ADGRV1: variants seen among roughly 807,000 people sequenced by gnomAD.
The protein encoded by ADGRV1 is G-protein coupled receptor 98.
ADGRV1 carries 359 observed loss-of-function variants against 596.2 expected under a neutral mutation model. That is an observed-to-expected ratio of 0.60 (90% CI 0.55 to 0.66). ADGRV1 has a LOEUF of 0.66. ADGRV1 is among the 30% of genes least tolerant of loss of function. ADGRV1 has a pLI of 0.00. For synonymous variants in ADGRV1, 2,681 were observed against 2,679.2 expected (o/e 1.00, Z -0.02); for missense variants, 7,274 against 7,575.6 (o/e 0.96, Z 1.48).
intron 85 of ADGRV1, among the ~76,000 whole-genome samples, chr5:91,065,576 A>T (rs1001790389): frequency 6.6e-6 from 1 of 152,288 alleles, no homozygotes; most frequent in South Asian, 2.1e-4. Context: ...AGCGGAGTTC[A>T]TGTCTCTCCT....
intron 42 of ADGRV1, among the ~76,000 whole-genome samples, 164 bp from the exon 43 acceptor site, chr5:90,716,302 TA>T: frequency 6.6e-6 from 1 of 152,356 alleles, no homozygotes; most frequent in South Asian, 2.1e-4. Context: ...TTGAATATGT[TA>T]TTTTATTAAA....
intron 1 of ADGRV1, among the ~76,000 whole-genome samples, chr5:90,566,273 C>T (rs965168002): frequency 6.6e-6 from 1 of 152,130 alleles, no homozygotes; most frequent in Non-Finnish European, 1.5e-5. Flanking sequence ...CCCATGCTTT[C>T]ATCTAAGAGT....
At chr5:90,684,331 T>C in intron 28 of ADGRV1, 136 bp downstream of exon 28, 1 of 812,220 alleles carries the variant, frequency 1.2e-6, no homozygotes, top group Non-Finnish European at 1.8e-6. Context: ...TACAACAGTT[T>C]ACCTGTAAGG....
intron 85 of ADGRV1, among the ~76,000 whole-genome samples, chr5:91,013,656 T>A (rs550790287): frequency 6.6e-6 from 1 of 152,052 alleles, no homozygotes. Flanking sequence ...ATTCTATAGG[T>A]TGTCTGTTTT....
At chr5:90,996,377 G>C (rs1030062705) in intron 85 of ADGRV1, among the ~76,000 whole-genome samples, 1 of 152,144 alleles carries the variant, frequency 6.6e-6, no homozygotes, top group African/African-American at 2.4e-5. Flanking sequence ...CCGCTCCAGG[G>C]GGTGCAAGCC....
chr5:90,610,905 C>T (rs985766502), intron 1 of ADGRV1, among the ~76,000 whole-genome samples: 1 of 151,908 alleles, frequency 6.6e-6, no homozygotes, highest in African/African-American at 2.4e-5. Context: ...TGTTTCATTT[C>T]CAGACTGTGG....
In ADGRV1 at chr5:90,728,851, G is replaced by C; in HGVS notation, c.10344G>C (p.Val3448=). The part of the protein sequence containing the change: ...SGSGFINFQE[V]PVSGTTEVEA... ...GTGGGTTTATTAACTTTCAAGAGGT[G>C]CCTGTCAGTGGGACAACAGAAGTTG... The change falls in exon 49 of 90, where the codon GTG becomes GTC. Residue 3448 remains valine, a synonymous_variant. Coordinates refer to ENST00000405460, the MANE Select transcript of ADGRV1 (RefSeq NM_032119.4). 6.2e-7 allele frequency: 1 copy of C among 1,613,710 alleles called. No homozygotes were observed. Among genetic ancestry groups the C allele is most frequent in the East Asian group, 2.2e-5 (1 of 44,860 alleles).
chr5:90,950,372 A>C (rs1247761407), intron 83 of ADGRV1, among the ~76,000 whole-genome samples: 1 of 152,094 alleles, frequency 6.6e-6, no homozygotes, highest in Admixed American at 6.6e-5. Flanking sequence ...TCCATGCTGG[A>C]GTGCAGTGGG....
intron 82 of ADGRV1, 35 bp from the exon 83 acceptor site, chr5:90,863,722 T>A: frequency 3.5e-6 from 5 of 1,446,574 alleles, no homozygotes; most frequent in Non-Finnish European, 4.9e-6. Flanking sequence ...CTTCATGGAT[T>A]ATTAAACCAT....
At chr5:91,149,085 GA>G (rs1170541070) in intron 87 of ADGRV1, among the ~76,000 whole-genome samples, 2 of 152,192 alleles carry the variant, frequency 1.3e-5, no homozygotes, top group Non-Finnish European at 2.9e-5. Flanking sequence ...CTCAGAGGTG[GA>G]AGGGACTTGC....
At chr5:90,994,096 C>T (rs1324961248) in intron 85 of ADGRV1, among the ~76,000 whole-genome samples, 7 of 147,124 alleles carry the variant, frequency 4.8e-5, no homozygotes, top group Admixed American at 6.9e-5. Flanking sequence ...TCGCTCTTGT[C>T]ATCCAGGCTG....
At chr5:90,601,834 A>G (rs1202367804) in intron 1 of ADGRV1, among the ~76,000 whole-genome samples, 1 of 152,220 alleles carries the variant, frequency 6.6e-6, no homozygotes, top group Non-Finnish European at 1.5e-5. Flanking sequence ...GTGGTTTGCA[A>G]GTGATACTGC....
intron 85 of ADGRV1, among the ~76,000 whole-genome samples, chr5:91,059,680 A>G (rs541912800): frequency 6.6e-6 from 1 of 152,366 alleles, no homozygotes; most frequent in East Asian, 1.9e-4. Flanking sequence ...GGAATTCCCC[A>G]TAAAGTGGAT....
At chr5:90,781,259 T>G (rs1459388584) in intron 64 of ADGRV1, 171 bp from the exon 65 acceptor site, 1 of 655,254 alleles carries the variant, frequency 1.5e-6, no homozygotes, top group Non-Finnish European at 2.7e-6. Flanking sequence ...TTTCAAAACA[T>G]CATTTCAGGA....
In ADGRV1 at chr5:90,853,455, T is replaced by C. The variant is rs1320844768; in HGVS notation, c.17376T>C (p.Cys5792=). The C allele has an allele frequency of 1.2e-6, 2 of 1,613,190 alleles. No individual in the cohort carries two copies. The highest frequency in any genetic ancestry group is 1.7e-6 in the Non-Finnish European group (2 of 1,179,454). The stretch of plus-strand genomic sequence containing the variant: ...AAATAATGGCTGGGAAAAGTACATG[T>C]AAATTAGTCCAGTTTACAGAGTATA... The part of the protein sequence containing the change: ...DAEIMAGKST[C]KLVQFTEYSS... Residue 5792 remains cysteine (C), a synonymous_variant, in exon 80 of 90, where the codon TGT becomes TGC. Transcript: ENST00000405460.
chr5:90,999,816 T>C (rs1781714929), intron 85 of ADGRV1, among the ~76,000 whole-genome samples: 1 of 152,070 alleles, frequency 6.6e-6, no homozygotes, highest in African/African-American at 2.4e-5. Flanking sequence ...TGTAGATGTC[T>C]CTAATGAAAA....
At chr5:90,743,074 TG>T (rs1214088913) in intron 50 of ADGRV1, among the ~76,000 whole-genome samples, 1 of 152,142 alleles carries the variant, frequency 6.6e-6, no homozygotes, top group Non-Finnish European at 1.5e-5. Context: ...TGGAAGTCCG[TG>T]AGTACAGAAG....
chr5:90,999,099 C>A (rs1472261317), intron 85 of ADGRV1, among the ~76,000 whole-genome samples: 3 of 151,770 alleles, frequency 2.0e-5, no homozygotes, highest in Non-Finnish European at 4.4e-5. Context: ...TTTGTTCTTG[C>A]TCTTTTCTTG....
chr5:90,784,239 C>A (rs1331031602), intron 67 of ADGRV1, among the ~76,000 whole-genome samples, 182 bp downstream of exon 67: 2 of 152,150 alleles, frequency 1.3e-5, no homozygotes, highest in Admixed American at 1.3e-4. Context: ...AGGCATACAT[C>A]TGTCCTCAGG....
Sources: gnomAD v4.1 joint callset for allele counts (sites outside exome capture counted in the v4.1 genomes callset) on GRCh38, gnomAD v4.1.1 for gene constraint, MANE v1.5 for transcripts, NCBI Gene and HGNC (gene_info 2026-07-23, HGNC 2026-07-21) for gene names.